MCM7: variants seen among roughly 807,000 people sequenced by gnomAD.
MCM7 encodes the protein DNA replication licensing factor MCM7.
A neutral mutation model predicts 83.5 loss-of-function variants in MCM7; 95 were observed. That is an observed-to-expected ratio of 1.14 (90% CI 0.96 to 1.35). The LOEUF (loss-of-function observed/expected upper bound fraction) is 1.35, where lower values mean the gene tolerates loss of function less well. Ranked by LOEUF, MCM7 falls within the 40% of genes most tolerant of loss-of-function variation. The pLI, the probability that MCM7 is intolerant of heterozygous loss-of-function variation, is 0.00. For missense variants in MCM7, 1,087 were observed against 957.4 expected (o/e 1.14, Z -1.79); for synonymous variants, 461 against 352.7 (o/e 1.31, Z -3.44).
intron 1 of MCM7, chr7:100,100,767 C>T (rs1468274262): frequency 2.0e-6 from 2 of 992,472 alleles, no homozygotes; most frequent in Non-Finnish European, 2.4e-6. Context: ...TCCCTCCAGC[C>T]TCCTCGCGCC....
intron 9 of MCM7, 77 bp downstream of exon 9, chr7:100,097,537 C>T: frequency 2.5e-6 from 4 of 1,605,654 alleles, no homozygotes; most frequent in Non-Finnish European, 3.4e-6. Flanking sequence ...ATACTGTGAC[C>T]TACAGGGACA....
At chr7:100,100,440 C>T in intron 1 of MCM7, 2 of 1,007,406 alleles carry the variant, frequency 2.0e-6, no homozygotes, top group Non-Finnish European at 1.2e-6. Flanking sequence ...TTCTTTGGGT[C>T]CCCTTAGCCC....
At position 100,099,658 on chromosome 7, in the gene MCM7, A is replaced by T; in HGVS notation, c.207T>A (p.Asn69Lys). 6.2e-7 allele frequency: 1 copy of T among 1,614,208 alleles called. No individual in the cohort carries two copies. The highest frequency in any genetic ancestry group is 8.5e-7 in the Non-Finnish European group (1 of 1,180,048). The change falls in exon 3 of 15, where the codon AAT becomes AAA. Residue 69 changes from asparagine (N) to lysine (K), a missense_variant. Transcript: ENST00000303887. ...DPELVDSICE[N>K]ARRYAKLFAD... is the part of the protein sequence containing the mutation. Reference sequence around the variant, plus strand: ...CAAAGAGCTTCGCGTAGCGCCTGGCATTCTCACAAATTGAGTCCACCAACT... The same window carrying T: ...CAAAGAGCTTCGCGTAGCGCCTGGCTTTCTCACAAATTGAGTCCACCAACT...
At chr7:100,098,988 G>A (rs1584494509) in intron 5 of MCM7, 35 bp downstream of exon 5, 1 of 1,611,658 alleles carries the variant, frequency 6.2e-7, no homozygotes, top group Non-Finnish European at 8.5e-7. Flanking sequence ...ACAACTAATG[G>A]GTAAGTGCTT....
At chr7:100,100,411 A>C (rs1795913234) in intron 1 of MCM7, 1 of 1,043,030 alleles carries the variant, frequency 9.6e-7, no homozygotes, top group Non-Finnish European at 1.2e-6. Flanking sequence ...CTTTCTTTCC[A>C]CCCCTATGAT....
In MCM7 at chr7:100,099,747, G is replaced by C; in HGVS notation, c.118C>G (p.Leu40Val). Reference protein sequence around the residue: ...QFKYGNQLVRLAHREQVALYV... With the variant: ...QFKYGNQLVRVAHREQVALYV... ...AGAGCCACCTGTTCCCGATGAGCCAGCCGAACCTCAAGTGGGGAAGAGACA... is the reference window on the plus strand; with the variant it reads ...AGAGCCACCTGTTCCCGATGAGCCACCCGAACCTCAAGTGGGGAAGAGACA... The change falls in exon 3 of 15, where the codon CTG (leucine) becomes GTG (valine). Residue 40 changes from leucine to valine, a missense_variant. Coordinates refer to ENST00000303887, the MANE Select transcript of MCM7 (RefSeq NM_005916.5). 10 of 1,613,844 alleles carry C rather than the reference G, an allele frequency of 6.2e-6. No homozygotes were observed. The highest frequency in any genetic ancestry group is 7.6e-6 in the Non-Finnish European group (9 of 1,179,982).
In MCM7 at chr7:100,095,985, T is replaced by C. The variant is rs368883170; in HGVS notation, c.1384A>G (p.Met462Val). The change falls in exon 11 of 15, where the codon ATG becomes GTG. Residue 462 changes from methionine (M) to valine (V), a missense_variant. Transcript: ENST00000303887. Reference protein sequence around the residue: ...EADRTAIHEVMEQQTISIAKA... With the variant: ...EADRTAIHEVVEQQTISIAKA... ...GCAATGGAGATGGTCTGCTGCTCCA[T>C]GACCTCGTGGATGGCTGTGCGGTCG... The C allele has an allele frequency of 7.9e-5, 127 of 1,614,008 alleles. No individual in the cohort carries two copies. The highest frequency in any genetic ancestry group is 1.0e-4 in the Non-Finnish European group (121 of 1,180,034).
chr7:100,095,776 T>C lies in MCM7; in HGVS notation c.1593A>G (p.Leu531=). Residue 531 remains leucine, a splice_region_variant and synonymous_variant, in exon 11 of 15, where the codon CTA becomes CTG. Transcript: ENST00000303887. Reference sequence around the variant, plus strand: ...TTTGGGTGTTGAGCTTCATTCACCGTAGGTCATTGTCTCGGTCGGGCCGGT... The same window carrying C: ...TTTGGGTGTTGAGCTTCATTCACCGCAGGTCATTGTCTCGGTCGGGCCGGT... The part of the protein sequence containing the change: ...IQDRPDRDND[L]RLAQHITYVH... 1 of 1,574,088 alleles carries C rather than the reference T, an allele frequency of 6.4e-7. No homozygotes were observed. Among genetic ancestry groups the C allele is most frequent in the African/African-American group, 1.3e-5 (1 of 74,438 alleles).
At chr7:100,100,180 T>C (rs907568113) in intron 1 of MCM7, 87 bp from the exon 2 acceptor site, 1 of 1,519,478 alleles carries the variant, frequency 6.6e-7, no homozygotes, top group African/African-American at 1.5e-5. Flanking sequence ...ACCTATGAAC[T>C]AATTAATAAT....
At chr7:100,093,712 G>A (rs1288759883) in intron 13 of MCM7, 3 of 665,114 alleles carry the variant, frequency 4.5e-6, no homozygotes, top group Non-Finnish European at 8.7e-6. Flanking sequence ...TCCCCAGCAT[G>A]ACAGATGGAG....
rs1213487280 is a variant in MCM7, at chr7:100,101,298, T to C, written c.-4A>G. 1 of 1,613,264 alleles carries C rather than the reference T, an allele frequency of 6.2e-7. No individual in the cohort carries two copies. Among genetic ancestry groups the C allele is most frequent in the Admixed American group, 1.7e-5 (1 of 60,030 alleles). Reference sequence around the variant, plus strand: ...GCGCGTAGTCCTTCAGTGCCATCGCTGCCGAGGGCCGTGCGGCCGCGCTTG... The same window carrying C: ...GCGCGTAGTCCTTCAGTGCCATCGCCGCCGAGGGCCGTGCGGCCGCGCTTG... On this transcript the variant is annotated 5_prime_UTR_variant, in exon 1 of 15. Coordinates refer to ENST00000303887, the MANE Select transcript of MCM7 (RefSeq NM_005916.5).
intron 11 of MCM7, 24 bp from the exon 12 acceptor site, chr7:100,095,494 G>T (rs1795577146): frequency 1.2e-6 from 2 of 1,609,798 alleles, no homozygotes; most frequent in East Asian, 4.5e-5. Context: ...AGGTTAGAAG[G>T]AACACCCTTT....
In MCM7 at chr7:100,100,106, A is replaced by G. The variant is rs1209208485; in HGVS notation, c.32-13T>C. The G allele has an allele frequency of 6.2e-7, 1 of 1,613,494 alleles. No individual in the cohort carries two copies. Among genetic ancestry groups the G allele is most frequent in the African/African-American group, 1.3e-5 (1 of 74,926 alleles). On this transcript the variant is annotated splice_polypyrimidine_tract_variant and intron_variant, in intron 1 of 14. Transcript: ENST00000303887. ...TTCTTAACCTTTTCTGTAACATGAA[A>G]TGTAAAACCGTAAGACACAAACTTT...
chr7:100,096,985 C>T (rs1233835216), intron 10 of MCM7, among the ~76,000 whole-genome samples: 2 of 152,112 alleles, frequency 1.3e-5, no homozygotes, highest in Non-Finnish European at 2.9e-5. Flanking sequence ...CCTGTAGTCC[C>T]AGCTACTCGG....
Sources: gnomAD v4.1 joint callset for allele counts (sites outside exome capture counted in the v4.1 genomes callset) on GRCh38, gnomAD v4.1.1 for gene constraint, MANE v1.5 for transcripts, NCBI Gene and HGNC (gene_info 2026-07-23, HGNC 2026-07-21) for gene names.